The following GTF2F2 variants were observed in gnomAD, a reference collection of about 807,000 sequenced individuals.
GTF2F2 encodes the protein general transcription factor IIF subunit 2.
GTF2F2 carries 23 observed loss-of-function variants against 42.2 expected under a neutral mutation model. The observed-to-expected ratio is 0.55, with a 90% CI of 0.39 to 0.77. The LOEUF is 0.77. Ranked by LOEUF, GTF2F2 falls within the 30% of genes least tolerant of loss-of-function variation. GTF2F2 has a pLI of 0.00. For synonymous variants in GTF2F2, 105 were observed against 100.8 expected (o/e 1.04, Z -0.25); for missense variants, 261 against 287.2 (o/e 0.91, Z 0.66).
chr13:45,239,138 G>A (rs1413672449), intron 5 of GTF2F2, among the ~76,000 whole-genome samples: 2 of 152,088 alleles, frequency 1.3e-5, no homozygotes, highest in African/African-American at 4.8e-5. Context: ...CCCAGTTTGG[G>A]CATCTGTGTG....
Position 45,167,123 on chromosome 13 carries a change from A to G in GTF2F2, c.304+15292A>G, listed in dbSNP as rs1184829673. 2.0e-5 allele frequency among the ~76,000 whole-genome samples: 3 copies of G among 149,398 alleles called. No homozygotes were observed. The East Asian group carries it at 5.9e-4, about 29-fold the overall frequency. ...TTTTTTTTTTTAAAGAACTTCGTGT[A>G]TGTGTATCAGCCCACAAATTCTTGC... On this transcript the variant is annotated intron_variant, in intron 4 of 7. Coordinates refer to ENST00000340473, the MANE Select transcript of GTF2F2 (RefSeq NM_004128.3).
intron 2 of GTF2F2, among the ~76,000 whole-genome samples, chr13:45,138,893 G>A (rs1327782616): frequency 6.6e-6 from 1 of 152,190 alleles, no homozygotes. Flanking sequence ...TGAGCCACCT[G>A]CTTTGGCCTC....
chr13:45,224,843 T>C (rs1176681293), intron 5 of GTF2F2, among the ~76,000 whole-genome samples: 4 of 152,218 alleles, frequency 2.6e-5, no homozygotes, highest in Non-Finnish European at 4.4e-5. Flanking sequence ...GTTGACAACA[T>C]ATCAAGATAT....
At chr13:45,138,663 C>T (rs955919520) in intron 2 of GTF2F2, among the ~76,000 whole-genome samples, 8 of 152,076 alleles carry the variant, frequency 5.3e-5, no homozygotes, top group African/African-American at 1.2e-4. Context: ...TATTATTTTT[C>T]GAGACAATGT....
At chr13:45,209,041 T>C (rs1172504265) in intron 5 of GTF2F2, among the ~76,000 whole-genome samples, 1 of 152,200 alleles carries the variant, frequency 6.6e-6, no homozygotes, top group Non-Finnish European at 1.5e-5. Context: ...CTTTAAAGGG[T>C]TCTAAAGATT....
rs1674398187 is a variant in GTF2F2, at chr13:45,194,522, C to T, written c.305-12902C>T. The stretch of plus-strand genomic sequence containing the variant: ...GTATCTTCCAGGCTGTTGTGTTTCC[C>T]TTCATACTCCTTTTCTTTTTCTCTT... On this transcript the variant is annotated intron_variant, in intron 4 of 7. Transcript: ENST00000340473. 2 of 1,613,760 alleles carry T rather than the reference C, an allele frequency of 1.2e-6. No homozygotes were observed. Among genetic ancestry groups the T allele is most frequent in the Middle Eastern group, 1.7e-4 (1 of 6,060 alleles).
intron 5 of GTF2F2, among the ~76,000 whole-genome samples, chr13:45,240,267 GT>G (rs1345405787): frequency 6.6e-6 from 1 of 152,022 alleles, no homozygotes; most frequent in East Asian, 1.9e-4. Flanking sequence ...TCATAAGACT[GT>G]AGTCTTGATG....
intron 1 of GTF2F2, among the ~76,000 whole-genome samples, chr13:45,128,177 G>A (rs1379285231): frequency 6.9e-6 from 1 of 145,382 alleles, no homozygotes; most frequent in Non-Finnish European, 1.5e-5. Flanking sequence ...AGCTAGGATG[G>A]TCTTGATCTC....
intron 4 of GTF2F2, chr13:45,194,271 T>C: frequency 6.2e-7 from 1 of 1,614,178 alleles, no homozygotes; most frequent in Non-Finnish European, 8.5e-7. Context: ...CTTCGGGCAA[T>C]AGAAGTTCTC....
At chr13:45,139,591 G>A (rs1869817896) in intron 2 of GTF2F2, among the ~76,000 whole-genome samples, 1 of 152,066 alleles carries the variant, frequency 6.6e-6, no homozygotes, top group Admixed American at 6.6e-5. Context: ...ATGTAAAATA[G>A]CACCCTGCAG....
chr13:45,211,252 A>T (rs755799589), intron 5 of GTF2F2, among the ~76,000 whole-genome samples: 2 of 152,322 alleles, frequency 1.3e-5, no homozygotes, highest in South Asian at 4.1e-4. Flanking sequence ...CAGAAAATAC[A>T]TAAAATTGTA....
chr13:45,126,736 C>T (rs958901416), intron 1 of GTF2F2, among the ~76,000 whole-genome samples: 1 of 152,178 alleles, frequency 6.6e-6, no homozygotes, highest in African/African-American at 2.4e-5. Flanking sequence ...AAATATTGGT[C>T]TTAACGAAAA....
chr13:45,261,058 G>A (rs561063429), intron 6 of GTF2F2, among the ~76,000 whole-genome samples: 2 of 149,624 alleles, frequency 1.3e-5, no homozygotes, highest in South Asian at 2.1e-4. Context: ...CACGGGAGAC[G>A]GAGGCTGCAG....
At chr13:45,153,308 G>A (rs570172069) in intron 4 of GTF2F2, among the ~76,000 whole-genome samples, 7 of 152,050 alleles carry the variant, frequency 4.6e-5, no homozygotes, top group East Asian at 3.9e-4. Context: ...ATGAGCCACC[G>A]GGCCCGGCCG....
intron 5 of GTF2F2, among the ~76,000 whole-genome samples, chr13:45,236,530 A>C (rs931827717): frequency 7.2e-6 from 1 of 138,726 alleles, no homozygotes; most frequent in East Asian, 2.1e-4. Flanking sequence ...CACACACACA[A>C]GTTTATGAGG....
chr13:45,254,069 C>CAA (rs770265378), intron 6 of GTF2F2, among the ~76,000 whole-genome samples: 16 of 58,142 alleles, frequency 2.8e-4, no homozygotes, highest in African/African-American at 4.0e-4. Flanking sequence ...GACTCCGTCT[C>CAA]AAAAAAAAAA....
intron 4 of GTF2F2, among the ~76,000 whole-genome samples, chr13:45,170,678 G>A (rs967967587): frequency 5.9e-5 from 9 of 152,168 alleles, no homozygotes; most frequent in Non-Finnish European, 1.0e-4. Context: ...AAAATATAGA[G>A]AATCTGCATA....
At chr13:45,167,231 TA>T (rs956566418) in intron 4 of GTF2F2, among the ~76,000 whole-genome samples, 5 of 141,610 alleles carry the variant, frequency 3.5e-5, no homozygotes, top group Non-Finnish European at 5.9e-5. Context: ...ACTATTTTAC[TA>T]TTTTTTTTTT....
chr13:45,211,585 AATTTT>A (rs747260765), intron 5 of GTF2F2, among the ~76,000 whole-genome samples: 1 of 143,018 alleles, frequency 7.0e-6, no homozygotes, highest in African/African-American at 2.6e-5. Flanking sequence ...AAAAAAAAAA[AATTTT>A]TTTTTTTTTT....
Sources: gnomAD v4.1 joint callset for allele counts (sites outside exome capture counted in the v4.1 genomes callset) on GRCh38, gnomAD v4.1.1 for gene constraint, MANE v1.5 for transcripts, NCBI Gene and HGNC (gene_info 2026-07-23, HGNC 2026-07-21) for gene names.